The following VWA3A variants were observed in gnomAD, a reference collection of about 807,000 sequenced individuals.
The protein encoded by VWA3A is von Willebrand factor A domain containing 3A, also known as von Willebrand factor A domain-containing protein 3A.
In VWA3A, 134 loss-of-function variants were observed where a neutral mutation model predicts 160.4. The observed-to-expected ratio is 0.84, with a 90% CI of 0.73 to 0.96. The LOEUF is 0.96. Among genes scored for constraint, VWA3A ranks in the 40% least tolerant of loss-of-function variants. The pLI, the probability that VWA3A is intolerant of heterozygous loss-of-function variation, is 0.00. For missense variants in VWA3A, 1,310 were observed against 1,447.9 expected, an observed-to-expected ratio of 0.90 and a Z score of 1.55; for synonymous variants, 476 against 543.4, an observed-to-expected ratio of 0.88 and a Z score of 1.72.
intron 2 of VWA3A, among the ~76,000 whole-genome samples, chr16:22,097,264 C>T (rs891551465): frequency 1.4e-4 from 21 of 151,906 alleles, no homozygotes; most frequent in African/African-American, 5.1e-4. Flanking sequence ...CGTGCCTGGG[C>T]TAGTTCTCTG....
At chr16:22,101,903 A>G (rs545690578) in intron 5 of VWA3A, among the ~76,000 whole-genome samples, 2 of 152,240 alleles carry the variant, frequency 1.3e-5, no homozygotes, top group Non-Finnish European at 1.5e-5. Flanking sequence ...GGCTTTCAGT[A>G]AATTGACTTT....
chr16:22,115,849 GGAAGGA>G (rs2045622977), intron 9 of VWA3A, among the ~76,000 whole-genome samples: 1 of 3,660 alleles, frequency 2.7e-4, no homozygotes, highest in Admixed American at 1.7e-3. Flanking sequence ...AAGGAAGGAA[GGAAGGA>G]AGGAAGGAAG....
intron 23 of VWA3A, 95 bp from the exon 24 acceptor site, chr16:22,141,487 G>A (rs2046148157): frequency 1.5e-5 from 17 of 1,153,546 alleles, no homozygotes; most frequent in Non-Finnish European, 2.1e-5. Flanking sequence ...CTGGGGTGGA[G>A]TATAGCTGAA....
At chr16:22,146,577 A>T (rs938838444) in intron 27 of VWA3A, among the ~76,000 whole-genome samples, 10 of 152,126 alleles carry the variant, frequency 6.6e-5, no homozygotes, top group Non-Finnish European at 1.5e-4. Flanking sequence ...ACCAGTCAGT[A>T]GTTCGAAACC....
intron 23 of VWA3A, 80 bp from the exon 24 acceptor site, chr16:22,141,502 A>G (rs2046148703): frequency 7.5e-7 from 1 of 1,325,480 alleles, no homozygotes; most frequent in Admixed American, 2.0e-5. Context: ...GCTGAACTTG[A>G]GTGTCTCTAA....
At chr16:22,138,080 T>C (rs1167541283) in intron 21 of VWA3A, among the ~76,000 whole-genome samples, 1 of 152,186 alleles carries the variant, frequency 6.6e-6, no homozygotes. Context: ...ACACCTACCC[T>C]ATCGGCATAG....
intron 22 of VWA3A, among the ~76,000 whole-genome samples, chr16:22,139,407 G>T (rs2046102799): frequency 6.6e-6 from 1 of 152,256 alleles, no homozygotes. Context: ...TAAAACTGAG[G>T]TGTCTGGGCC....
chr16:22,149,983 C>G (rs1203300378), intron 29 of VWA3A, 52 bp downstream of exon 29: 2 of 1,545,796 alleles, frequency 1.3e-6, no homozygotes, highest in Non-Finnish European at 1.8e-6. Flanking sequence ...ACCATCATCC[C>G]CTATGCTGAT....
At chr16:22,094,514 G>A (rs1359717850) in intron 1 of VWA3A, among the ~76,000 whole-genome samples, 1 of 151,870 alleles carries the variant, frequency 6.6e-6, no homozygotes, top group Non-Finnish European at 1.5e-5. Flanking sequence ...CACTTGCTGT[G>A]TCTTAGCTGG....
chr16:22,103,717 T>A (rs1303373642), intron 6 of VWA3A, among the ~76,000 whole-genome samples, 188 bp downstream of exon 6: 2 of 152,218 alleles, frequency 1.3e-5, no homozygotes, highest in African/African-American at 4.8e-5. Context: ...GTCACCTCTA[T>A]GCCTGTGGGC....
chr16:22,098,522 A>C (rs922343516), intron 3 of VWA3A, among the ~76,000 whole-genome samples: 4 of 152,098 alleles, frequency 2.6e-5, no homozygotes, highest in Admixed American at 6.6e-5. Flanking sequence ...GATCATTCTT[A>C]TATTTATCAG....
intron 5 of VWA3A, among the ~76,000 whole-genome samples, chr16:22,100,964 C>CA (rs59096934): frequency 0.083 from 4,989 of 60,294 alleles, 394 homozygotes; most frequent in East Asian, 0.49. Context: ...GACCCTGTCT[C>CA]AAAAAAAAAA....
chr16:22,132,507 C>T (rs1429163112), intron 19 of VWA3A, among the ~76,000 whole-genome samples: 1 of 152,116 alleles, frequency 6.6e-6, no homozygotes, highest in Non-Finnish European at 1.5e-5. Context: ...ATGTTTATGA[C>T]CCTGCACTCC....
intron 8 of VWA3A, among the ~76,000 whole-genome samples, 200 bp from the exon 9 acceptor site, chr16:22,115,147 A>T (rs1567202414): frequency 1.3e-5 from 2 of 152,108 alleles, no homozygotes; most frequent in Admixed American, 1.3e-4. Context: ...AGGATGCCAC[A>T]TACCTGCAGT....
intron 9 of VWA3A, chr16:22,116,368 A>G (rs1324869834): frequency 2.2e-5 from 10 of 446,930 alleles, no homozygotes; most frequent in South Asian, 3.3e-5. Context: ...GGAAAGAAGG[A>G]AGAGAGAAAA....
chr16:22,098,614 T>C (rs2045360384), intron 3 of VWA3A, among the ~76,000 whole-genome samples: 1 of 152,176 alleles, frequency 6.6e-6, no homozygotes, highest in South Asian at 2.1e-4. Flanking sequence ...GATCTTACCA[T>C]TCTCTATGCA....
chr16:22,103,382 C>A (rs2045436517), intron 5 of VWA3A, 93 bp from the exon 6 acceptor site: 23 of 1,136,160 alleles, frequency 2.0e-5, no homozygotes, highest in South Asian at 4.5e-5. Context: ...AAAAAAAAAA[C>A]AATTATTCAT....
At chr16:22,132,662 G>A in intron 19 of VWA3A, 1 of 522,626 alleles carries the variant, frequency 1.9e-6, no homozygotes. Flanking sequence ...GGATGTGGAT[G>A]CTACTGGTCT....
intron 17 of VWA3A, among the ~76,000 whole-genome samples, chr16:22,128,262 C>T (rs143040130): frequency 2.0e-5 from 3 of 152,240 alleles, no homozygotes; most frequent in African/African-American, 7.2e-5. Context: ...TCTTCAAATG[C>T]TCAAGCAATG....
Sources: allele counts gnomAD v4.1 joint callset (sites outside exome capture counted in the v4.1 genomes callset), GRCh38; gene constraint gnomAD v4.1.1; transcripts MANE v1.5; gene names NCBI Gene and HGNC (gene_info 2026-07-23, HGNC 2026-07-21).